Variants in TRIQK observed in about 807,000 individuals in gnomAD.
The protein encoded by TRIQK is triple QxxK/R motif-containing protein.
Under a neutral mutation model 10.8 loss-of-function variants are expected in TRIQK, and 10 were observed. The ratio of observed to expected loss-of-function variants is 0.92; its 90% CI spans 0.57 to 1.57. TRIQK has a LOEUF of 1.57. TRIQK is among the 40% of genes most tolerant of loss of function. The pLI is 0.00. For synonymous variants in TRIQK, 33 were observed against 33.7 expected, an observed-to-expected ratio of 0.98 and a Z score of 0.07; for missense variants, 107 against 97.7, an observed-to-expected ratio of 1.09 and a Z score of -0.40.
At chr8:92,974,798 T>G (rs1211815330) in intron 1 of TRIQK, 1 of 152,198 alleles carries the variant, frequency 6.6e-6, no homozygotes, top group Non-Finnish European at 1.5e-5. Flanking sequence ...CCTAGAGGGC[T>G]TTGTAAATGG....
At chr8:92,994,865 C>G (rs1233494219) in intron 1 of TRIQK, among the ~76,000 whole-genome samples, 2 of 151,838 alleles carry the variant, frequency 1.3e-5, no homozygotes, top group Non-Finnish European at 2.9e-5. Context: ...AACTTCTAAA[C>G]AGAGTTTAGA....
At chr8:92,913,929 C>T (rs548726348) in intron 3 of TRIQK, among the ~76,000 whole-genome samples, 26 of 152,024 alleles carry the variant, frequency 1.7e-4, no homozygotes, top group African/African-American at 6.3e-4. Context: ...TGAGAACATA[C>T]GAGCACAGGG....
chr8:92,978,321 T>C (rs1457147055), intron 1 of TRIQK, among the ~76,000 whole-genome samples: 1 of 152,166 alleles, frequency 6.6e-6, no homozygotes, highest in Non-Finnish European at 1.5e-5. Flanking sequence ...TACTCCCTCT[T>C]TGGGATTTTT....
chr8:92,928,836 C>T (rs1348934724), intron 2 of TRIQK, among the ~76,000 whole-genome samples: 1 of 152,062 alleles, frequency 6.6e-6, no homozygotes, highest in African/African-American at 2.4e-5. Flanking sequence ...AGTAGGAAAA[C>T]ATAAAAGGAT....
At chr8:92,891,889 T>A (rs1563610456) in intron 4 of TRIQK, 100 bp downstream of exon 4, 12 of 827,200 alleles carry the variant, frequency 1.5e-5, no homozygotes, top group Non-Finnish European at 2.0e-5. Context: ...GATTGTGAAA[T>A]GTCATAAAAC....
At chr8:93,005,575 G>A (rs72660406) in intron 1 of TRIQK, among the ~76,000 whole-genome samples, 4,818 of 152,164 alleles carry the variant, frequency 0.032, 120 homozygotes, top group South Asian at 0.048. Context: ...TATTTCAATA[G>A]ACATAGATAA....
At chr8:92,937,537 C>A (rs1389607299) in intron 2 of TRIQK, among the ~76,000 whole-genome samples, 2 of 150,488 alleles carry the variant, frequency 1.3e-5, no homozygotes, top group Admixed American at 6.6e-5. Flanking sequence ...CCTCATCCTA[C>A]AATTTATTTT....
intron 4 of TRIQK, among the ~76,000 whole-genome samples, chr8:92,888,407 G>A (rs749737624): frequency 5.3e-5 from 8 of 151,606 alleles, no homozygotes; most frequent in Non-Finnish European, 1.2e-4. Flanking sequence ...AATATTCATA[G>A]AACATAACTT....
chr8:92,907,492 G>A (rs1265639915), intron 3 of TRIQK, among the ~76,000 whole-genome samples: 1 of 152,120 alleles, frequency 6.6e-6, no homozygotes, highest in Non-Finnish European at 1.5e-5. Flanking sequence ...AGAATTTCCA[G>A]TTTCAAGTCT....
intron 2 of TRIQK, among the ~76,000 whole-genome samples, chr8:92,946,631 TTAA>T (rs1284983355): frequency 6.6e-6 from 1 of 152,062 alleles, no homozygotes; most frequent in African/African-American, 2.4e-5. Context: ...CCTAAAGCAA[TTAA>T]TATTTTTAAG....
intron 2 of TRIQK, among the ~76,000 whole-genome samples, chr8:92,938,202 T>G (rs139361241): frequency 3.4e-3 from 517 of 152,180 alleles, no homozygotes; most frequent in Middle Eastern, 0.027. Context: ...CCAACTGGGA[T>G]AGTTTTGTGG....
intron 4 of TRIQK, among the ~76,000 whole-genome samples, chr8:92,888,681 C>T (rs768613399): frequency 6.6e-6 from 1 of 151,428 alleles, no homozygotes; most frequent in Non-Finnish European, 1.5e-5. Flanking sequence ...CTATTTTTAG[C>T]TTTAAATCAA....
intron 3 of TRIQK, among the ~76,000 whole-genome samples, chr8:92,895,643 G>A (rs185765034): frequency 6.6e-6 from 1 of 152,270 alleles, no homozygotes; most frequent in Non-Finnish European, 1.5e-5. Flanking sequence ...ATCTTATTGG[G>A]ACCTGGAGTA....
At chr8:92,904,020 A>G (rs1481439959) in intron 3 of TRIQK, among the ~76,000 whole-genome samples, 4 of 152,100 alleles carry the variant, frequency 2.6e-5, no homozygotes, top group Non-Finnish European at 5.9e-5. Flanking sequence ...CTATACTCAA[A>G]TGAAGTTAGC....
At chr8:92,946,685 A>C (rs1355513269) in intron 2 of TRIQK, among the ~76,000 whole-genome samples, 1 of 152,008 alleles carries the variant, frequency 6.6e-6, no homozygotes, top group East Asian at 1.9e-4. Flanking sequence ...CCATAATAAT[A>C]ATCTCTGATT....
chr8:92,888,469 C>T (rs1379839295), intron 4 of TRIQK, among the ~76,000 whole-genome samples: 2 of 151,526 alleles, frequency 1.3e-5, no homozygotes, highest in African/African-American at 4.8e-5. Flanking sequence ...GTGGGTGTGG[C>T]TTAAAGGTAC....
intron 1 of TRIQK, among the ~76,000 whole-genome samples, chr8:93,007,861 CTG>C (rs1269551059): frequency 6.6e-6 from 1 of 152,186 alleles, no homozygotes; most frequent in Admixed American, 6.5e-5. Flanking sequence ...TCTTGTCTGC[CTG>C]TCTTATTTCA....
At chr8:93,011,633 GA>G (rs1326176684) in intron 1 of TRIQK, among the ~76,000 whole-genome samples, 2 of 152,082 alleles carry the variant, frequency 1.3e-5, no homozygotes, top group Non-Finnish European at 1.5e-5. Context: ...GTTTTGTGGA[GA>G]AAAAACATAT....
chr8:92,924,584 C>T (rs1387764751), intron 2 of TRIQK, among the ~76,000 whole-genome samples: 1 of 151,926 alleles, frequency 6.6e-6, no homozygotes, highest in Non-Finnish European at 1.5e-5. Context: ...TCTTGCCTAA[C>T]AGGCATCATT....
Sources: allele counts gnomAD v4.1 joint callset (sites outside exome capture counted in the v4.1 genomes callset), GRCh38; gene constraint gnomAD v4.1.1; transcripts MANE v1.5; gene names NCBI Gene and HGNC (gene_info 2026-07-23, HGNC 2026-07-21).